The following LHFPL3 variants were observed in gnomAD, a reference collection of about 807,000 sequenced individuals.
LHFPL3 encodes LHFPL tetraspan subfamily member 3 protein.
A neutral mutation model predicts 19.3 loss-of-function variants in LHFPL3; 5 were observed. The ratio of observed to expected loss-of-function variants is 0.26; its 90% CI spans 0.14 to 0.54. The LOEUF is 0.54. Ranked by LOEUF, LHFPL3 falls within the 20% of genes least tolerant of loss-of-function variation. The pLI is 0.94. For missense variants in LHFPL3, 249 were observed against 307.4 expected (o/e 0.81, Z 1.42); for synonymous variants, 133 against 126.2 (o/e 1.05, Z -0.36).
At chr7:104,604,132 T>C (rs1207506775) in intron 1 of LHFPL3, among the ~76,000 whole-genome samples, 1 of 152,188 alleles carries the variant, frequency 6.6e-6, no homozygotes, top group Non-Finnish European at 1.5e-5. Flanking sequence ...CTTTGAAATC[T>C]AGGTGGAGAC....
intron 1 of LHFPL3, among the ~76,000 whole-genome samples, chr7:104,660,689 T>C (rs1792210175): frequency 1.3e-5 from 2 of 152,238 alleles, no homozygotes; most frequent in African/African-American, 4.8e-5. Flanking sequence ...TATCTTGACT[T>C]CTGTCTTTGC....
chr7:104,492,041 A>C (rs13234934), intron 1 of LHFPL3, among the ~76,000 whole-genome samples: 16,779 of 152,220 alleles, frequency 0.11, 964 homozygotes, highest in Non-Finnish European at 0.12. Context: ...GTTTGTGTGG[A>C]GATCATTAAT....
intron 1 of LHFPL3, among the ~76,000 whole-genome samples, chr7:104,509,716 G>A (rs143068386): frequency 6.6e-4 from 100 of 152,092 alleles, no homozygotes; most frequent in African/African-American, 2.1e-3. Context: ...ATTCAACATA[G>A]TGCCAGAAGC....
intron 1 of LHFPL3, among the ~76,000 whole-genome samples, chr7:104,362,521 G>C (rs1332031968): frequency 6.6e-6 from 1 of 152,208 alleles, no homozygotes; most frequent in Non-Finnish European, 1.5e-5. Context: ...CACTTAGTAA[G>C]TGTTAGGATG....
At chr7:104,722,524 C>T (rs1227832342) in intron 1 of LHFPL3, among the ~76,000 whole-genome samples, 2 of 152,160 alleles carry the variant, frequency 1.3e-5, no homozygotes, top group African/African-American at 4.8e-5. Flanking sequence ...ACACTCTAAA[C>T]CACAGTATTT....
intron 1 of LHFPL3, among the ~76,000 whole-genome samples, chr7:104,617,413 C>T (rs1791367576): frequency 6.6e-6 from 1 of 152,128 alleles, no homozygotes; most frequent in Admixed American, 6.6e-5. Context: ...ACAACAAAAG[C>T]TGGTGTACTC....
chr7:104,541,390 T>C (rs1794484210), intron 1 of LHFPL3, among the ~76,000 whole-genome samples: 1 of 152,136 alleles, frequency 6.6e-6, no homozygotes, highest in African/African-American at 2.4e-5. Flanking sequence ...AGGCACCAGA[T>C]GATACATGTT....
At chr7:104,550,898 C>G (rs980557868) in intron 1 of LHFPL3, among the ~76,000 whole-genome samples, 12 of 152,102 alleles carry the variant, frequency 7.9e-5, no homozygotes, top group African/African-American at 2.7e-4. Flanking sequence ...CCACACACTT[C>G]ATAAAGAATG....
chr7:104,577,282 T>G (rs1231078892), intron 1 of LHFPL3, among the ~76,000 whole-genome samples: 1 of 152,054 alleles, frequency 6.6e-6, no homozygotes, highest in Non-Finnish European at 1.5e-5. Context: ...GGCACAAACC[T>G]TAGCAATAGG....
At chr7:104,422,389 A>C (rs1791751288) in intron 1 of LHFPL3, among the ~76,000 whole-genome samples, 1 of 132,072 alleles carries the variant, frequency 7.6e-6, no homozygotes, top group African/African-American at 3.3e-5. Context: ...ACAAGAACAA[A>C]TATTTCAGTT....
intron 1 of LHFPL3, among the ~76,000 whole-genome samples, chr7:104,510,042 G>T (rs995613623): frequency 1.3e-5 from 2 of 152,004 alleles, no homozygotes; most frequent in African/African-American, 4.8e-5. Flanking sequence ...ACATGTACAG[G>T]ACTTGCATGC....
At chr7:104,359,695 G>C (rs1190143511) in intron 1 of LHFPL3, among the ~76,000 whole-genome samples, 1 of 152,240 alleles carries the variant, frequency 6.6e-6, no homozygotes, top group African/African-American at 2.4e-5. Context: ...CCAACACCCA[G>C]ATAATGAGAA....
At chr7:104,811,813 T>C (rs528903434) in intron 2 of LHFPL3, among the ~76,000 whole-genome samples, 1 of 152,338 alleles carries the variant, frequency 6.6e-6, no homozygotes, top group East Asian at 1.9e-4. Context: ...AAACCTGAAA[T>C]AATGTGAAGA....
At chr7:104,855,496 G>C (rs1374351503) in intron 2 of LHFPL3, among the ~76,000 whole-genome samples, 1 of 152,122 alleles carries the variant, frequency 6.6e-6, no homozygotes, top group Non-Finnish European at 1.5e-5. Flanking sequence ...CTTTCATCCA[G>C]AGGAGAAAAT....
chr7:104,440,676 A>C (rs73179938), intron 1 of LHFPL3, among the ~76,000 whole-genome samples: 10,131 of 152,236 alleles, frequency 0.067, 357 homozygotes, highest in Middle Eastern at 0.1. Flanking sequence ...TCAAACAGCA[A>C]TTTATATAGT....
chr7:104,561,012 T>C (rs2115947247), intron 1 of LHFPL3, among the ~76,000 whole-genome samples: 1 of 151,754 alleles, frequency 6.6e-6, no homozygotes, highest in South Asian at 2.1e-4. Context: ...TTCTTAACCC[T>C]GAGTTCTAGT....
chr7:104,550,681 A>G (rs923827388), intron 1 of LHFPL3, among the ~76,000 whole-genome samples: 1 of 152,134 alleles, frequency 6.6e-6, no homozygotes, highest in Non-Finnish European at 1.5e-5. Flanking sequence ...TAGGAAGGTC[A>G]CCCTGACCTC....
chr7:104,329,359 T>A (rs1801526691), intron 1 of LHFPL3, 135 bp downstream of exon 1: 9 of 1,187,932 alleles, frequency 7.6e-6, no homozygotes, highest in Non-Finnish European at 1.0e-5. Context: ...CGTCGAGGTG[T>A]GGGGGGCGGG....
intron 1 of LHFPL3, among the ~76,000 whole-genome samples, chr7:104,482,905 G>A (rs1434990664): frequency 6.6e-6 from 1 of 152,232 alleles, no homozygotes; most frequent in Non-Finnish European, 1.5e-5. Context: ...AAGTCTCCAT[G>A]TGGGTTTTTG....
Sources: allele counts gnomAD v4.1 joint callset (sites outside exome capture counted in the v4.1 genomes callset), GRCh38; gene constraint gnomAD v4.1.1; transcripts MANE v1.5; gene names NCBI Gene and HGNC (gene_info 2026-07-23, HGNC 2026-07-21).